The following FHIT variants were observed in gnomAD, a reference collection of about 807,000 sequenced individuals.
FHIT encodes the protein bis(5'-adenosyl)-triphosphatase.
FHIT carries 19 observed loss-of-function variants against 17.9 expected under a neutral mutation model. The observed-to-expected ratio is 1.06, with a 90% confidence interval of 0.74 to 1.56. FHIT has a LOEUF of 1.56. Ranked by LOEUF, FHIT falls within the 40% of genes most tolerant of loss-of-function variation. The pLI, the probability that FHIT is intolerant of heterozygous loss-of-function variation, is 0.00. For synonymous variants in FHIT, 81 were observed against 69.7 expected (o/e 1.16, Z -0.81); for missense variants, 248 against 189.2 (o/e 1.31, Z -1.82).
At chr3:61,222,783 G>A (rs1366635214) in intron 1 of FHIT, among the ~76,000 whole-genome samples, 3 of 152,198 alleles carry the variant, frequency 2.0e-5, no homozygotes, top group African/African-American at 4.8e-5. Flanking sequence ...AGACTCAAGG[G>A]TGGAAACAAT....
At chr3:60,450,514 G>C (rs560760604) in intron 5 of FHIT, among the ~76,000 whole-genome samples, 1 of 152,232 alleles carries the variant, frequency 6.6e-6, no homozygotes, top group Admixed American at 6.5e-5. Flanking sequence ...AGTCCATTAA[G>C]CCACTCCAGA....
intron 3 of FHIT, among the ~76,000 whole-genome samples, chr3:60,877,842 C>A (rs1202157903): frequency 6.6e-6 from 1 of 151,960 alleles, no homozygotes; most frequent in African/African-American, 2.4e-5. Context: ...GTGGACTCAT[C>A]ACTGTGCTAC....
intron 5 of FHIT, among the ~76,000 whole-genome samples, chr3:60,516,507 C>G (rs188686431): frequency 8.3e-4 from 126 of 152,246 alleles, no homozygotes; most frequent in Middle Eastern, 6.8e-3. Flanking sequence ...GACCACTGGT[C>G]TAGAGAAAGG....
chr3:61,053,492 C>G (rs1043491440), intron 2 of FHIT, among the ~76,000 whole-genome samples: 1 of 152,000 alleles, frequency 6.6e-6, no homozygotes, highest in Non-Finnish European at 1.5e-5. Flanking sequence ...AACCCCATCT[C>G]TACCAAAAAT....
chr3:60,711,792 C>T (rs1349290798), intron 4 of FHIT, among the ~76,000 whole-genome samples: 11 of 151,780 alleles, frequency 7.2e-5, no homozygotes, highest in Non-Finnish European at 1.5e-5. Flanking sequence ...ACCAAATCTG[C>T]ATGTTTGGTG....
chr3:60,414,818 TAAGTA>T (rs1034489718), intron 5 of FHIT, among the ~76,000 whole-genome samples: 4 of 152,196 alleles, frequency 2.6e-5, no homozygotes, highest in African/African-American at 4.8e-5. Context: ...ATCTAAATTA[TAAGTA>T]AAGAAGATAC....
In FHIT at chr3:59,848,147, CAGG is replaced by C. The variant is rs905809220; in HGVS notation, c.348+74196_348+74198del. On this transcript the variant is annotated intron_variant, in intron 8 of 9. Transcript: ENST00000492590. ...TGGCTCCCACAAGCCATGTGCAAAC[CAGG>C]AGTACATGCACAGCTGCCTGCCATG... Among the ~76,000 whole-genome samples, 9 of 152,286 alleles carry C rather than the reference CAGG, an allele frequency of 5.9e-5. No homozygotes were observed. The South Asian group carries it at 8.3e-4, about 14-fold the overall frequency.
At chr3:61,161,085 G>C (rs1374516496) in intron 2 of FHIT, among the ~76,000 whole-genome samples, 1 of 150,706 alleles carries the variant, frequency 6.6e-6, no homozygotes, top group Non-Finnish European at 1.5e-5. Flanking sequence ...CTTTTGCTGG[G>C]TTGGGATTTT....
intron 5 of FHIT, among the ~76,000 whole-genome samples, chr3:60,146,708 G>A (rs751094161): frequency 3.9e-5 from 6 of 152,048 alleles, no homozygotes; most frequent in South Asian, 2.1e-4. Flanking sequence ...AGCACTGTGC[G>A]GATGAACATC....
chr3:59,908,483 G>A (rs935532971), intron 8 of FHIT, among the ~76,000 whole-genome samples: 5 of 152,182 alleles, frequency 3.3e-5, no homozygotes, highest in Non-Finnish European at 5.9e-5. Flanking sequence ...CTCTAGGAAT[G>A]TAGGAGGCCA....
rs72876825 is a variant in FHIT at position 60,385,820 on chromosome 3, C to A, written c.103+151040G>T. ...CTTGAACTCCTGAACTCAATGGATC[C>A]TCCTGCCTCAGCCTCCCCAAATGCT... On this transcript the variant is annotated intron_variant, in intron 5 of 9. Coordinates refer to ENST00000492590, the MANE Select transcript of FHIT (RefSeq NM_002012.4). Among the ~76,000 whole-genome samples, 286 of 152,250 alleles carry A rather than the reference C, an allele frequency of 1.9e-3. 2 individuals are homozygous for A. Among genetic ancestry groups the A allele is most frequent in the African/African-American group, 6.3e-3 (262 of 41,556 alleles).
intron 1 of FHIT, among the ~76,000 whole-genome samples, chr3:61,220,903 C>G (rs761474876): frequency 5.3e-5 from 8 of 152,216 alleles, no homozygotes; most frequent in Non-Finnish European, 1.0e-4. Context: ...GAGACACATA[C>G]ACACAACACG....
At chr3:60,248,859 C>G (rs551761589) in intron 5 of FHIT, among the ~76,000 whole-genome samples, 1 of 152,212 alleles carries the variant, frequency 6.6e-6, no homozygotes, top group African/African-American at 2.4e-5. Context: ...AGAAGATGTC[C>G]TCTTTATACC....
At chr3:60,954,715 T>G (rs1174258138) in intron 3 of FHIT, among the ~76,000 whole-genome samples, 2 of 152,140 alleles carry the variant, frequency 1.3e-5, no homozygotes, top group Non-Finnish European at 2.9e-5. Context: ...AGCTGCAAAT[T>G]GGATAATACC....
intron 3 of FHIT, among the ~76,000 whole-genome samples, chr3:60,931,108 G>C (rs58267016): frequency 2.0e-5 from 3 of 151,642 alleles, no homozygotes. Context: ...GCAAACTATC[G>C]CAAGGAGAAA....
chr3:61,184,461 C>A (rs2038443618), intron 2 of FHIT, among the ~76,000 whole-genome samples: 1 of 152,102 alleles, frequency 6.6e-6, no homozygotes, highest in South Asian at 2.1e-4. Context: ...GGATGACTCA[C>A]AGCAAGGAGC....
chr3:60,429,383 G>A (rs1021697543), intron 5 of FHIT, among the ~76,000 whole-genome samples: 1 of 152,154 alleles, frequency 6.6e-6, no homozygotes, highest in East Asian at 1.9e-4. Context: ...CCAGAAAGGA[G>A]CAAGAGCTAA....
intron 3 of FHIT, among the ~76,000 whole-genome samples, chr3:60,966,154 C>T (rs1553783308): frequency 6.6e-6 from 1 of 152,208 alleles, no homozygotes; most frequent in Non-Finnish European, 1.5e-5. Flanking sequence ...ACCCCTCCCC[C>T]AGCCTCACTG....
intron 5 of FHIT, among the ~76,000 whole-genome samples, chr3:60,014,675 C>G (rs1700273591): frequency 6.6e-6 from 1 of 152,110 alleles, no homozygotes; most frequent in Non-Finnish European, 1.5e-5. Context: ...AGAGTATAGA[C>G]ATTCTGAAAA....
Sources: gnomAD v4.1 joint callset for allele counts (sites outside exome capture counted in the v4.1 genomes callset) on GRCh38, gnomAD v4.1.1 for gene constraint, MANE v1.5 for transcripts, NCBI Gene and HGNC (gene_info 2026-07-23, HGNC 2026-07-21) for gene names.